The following MIR2052HG variants were observed in gnomAD, a reference collection of about 807,000 sequenced individuals.
MIR2052HG encodes MIR2052 host gene.
intron 4 of MIR2052HG, among the ~76,000 whole-genome samples, chr8:74,746,153 C>T (rs774626450): frequency 8.5e-5 from 13 of 152,102 alleles, no homozygotes; most frequent in Non-Finnish European, 1.6e-4. Flanking sequence ...CAATCACTCG[C>T]AATGTATTAG....
intron 4 of MIR2052HG, among the ~76,000 whole-genome samples, chr8:74,737,667 G>T (rs553471481): frequency 2.0e-5 from 3 of 152,150 alleles, no homozygotes; most frequent in Admixed American, 1.3e-4. Context: ...CTAATCCTTC[G>T]TTCCCTTGGC....
chr8:74,703,504 C>G (rs1809378262), intron 3 of MIR2052HG: 15 of 329,962 alleles, frequency 4.5e-5, no homozygotes, highest in South Asian at 3.8e-4. Context: ...CCATGGATAA[C>G]AGCAGGATTT....
chr8:74,721,561 T>C (rs1473161088), intron 4 of MIR2052HG, among the ~76,000 whole-genome samples: 4 of 152,182 alleles, frequency 2.6e-5, no homozygotes, highest in Admixed American at 2.0e-4. Context: ...ACGAAGTTTC[T>C]CTCTCCACAT....
At chr8:74,693,542 G>A (rs1563533114) in intron 2 of MIR2052HG, among the ~76,000 whole-genome samples, 1 of 145,678 alleles carries the variant, frequency 6.9e-6, no homozygotes. Context: ...TAGAGCCTAG[G>A]GCAAGTTCTC....
intron 2 of MIR2052HG, among the ~76,000 whole-genome samples, chr8:74,633,825 C>G (rs1808549628): frequency 6.6e-6 from 1 of 152,078 alleles, no homozygotes; most frequent in African/African-American, 2.4e-5. Context: ...TAACTATGAG[C>G]CTTTGACTAC....
At chr8:74,664,761 G>T (rs1397204455) in intron 2 of MIR2052HG, among the ~76,000 whole-genome samples, 1 of 151,990 alleles carries the variant, frequency 6.6e-6, no homozygotes, top group African/African-American at 2.4e-5. Context: ...CAGGTGATTC[G>T]CCCACCTCAG....
rs1266655574 is a variant in MIR2052HG at position 74,662,769 on chromosome 8, G to A, written n.217-39610G>A. ...TAGCGGTTTTCTTTAATGATAGGAGGGGCTTATGTGGGCACTTTTGGTTCC... is the reference window on the plus strand; with the variant it reads ...TAGCGGTTTTCTTTAATGATAGGAGAGGCTTATGTGGGCACTTTTGGTTCC... On this transcript the variant is annotated intron_variant and non_coding_transcript_variant, in intron 2 of 6. Transcript: ENST00000523442. 2.0e-5 allele frequency among the ~76,000 whole-genome samples: 3 copies of A among 151,802 alleles called. No individual in the cohort carries two copies. In the South Asian group the frequency reaches 6.2e-4, roughly 32 times the overall value.
chr8:74,651,807 C>G (rs1314951857), intron 2 of MIR2052HG, among the ~76,000 whole-genome samples: 2 of 152,130 alleles, frequency 1.3e-5, no homozygotes, highest in African/African-American at 4.8e-5. Context: ...GGTCACTCTG[C>G]TCTTTCTGAA....
chr8:74,649,132 T>C (rs761141778), intron 2 of MIR2052HG, among the ~76,000 whole-genome samples: 1 of 152,128 alleles, frequency 6.6e-6, no homozygotes, highest in Non-Finnish European at 1.5e-5. Context: ...GCTCGATTTT[T>C]GGTAATTTAA....
At chr8:74,728,760 G>T (rs1327198294) in intron 4 of MIR2052HG, among the ~76,000 whole-genome samples, 1 of 152,128 alleles carries the variant, frequency 6.6e-6, no homozygotes, top group Non-Finnish European at 1.5e-5. Context: ...TCAAAGCAGA[G>T]GGCTCACTTT....
At chr8:74,600,090 G>A (rs1424066458) in intron 1 of MIR2052HG, among the ~76,000 whole-genome samples, 1 of 152,130 alleles carries the variant, frequency 6.6e-6, no homozygotes, top group African/African-American at 2.4e-5. Flanking sequence ...TTCGGCTGGT[G>A]CACGGTGTGC....
At chr8:74,640,467 C>CA (rs35779504) in intron 2 of MIR2052HG, among the ~76,000 whole-genome samples, 12,357 of 83,356 alleles carry the variant, frequency 0.15, 1,002 homozygotes, top group Middle Eastern at 0.32. Flanking sequence ...GACTCCGTCT[C>CA]AAAAAAAAAA....
At chr8:74,687,153 C>T (rs1268464197) in intron 2 of MIR2052HG, among the ~76,000 whole-genome samples, 1 of 152,084 alleles carries the variant, frequency 6.6e-6, no homozygotes, top group African/African-American at 2.4e-5. Flanking sequence ...GAATTTATCA[C>T]CTCACACCTG....
At position 74,748,022 on chromosome 8, in the gene MIR2052HG, A is replaced by G. The variant is rs541281218; in HGVS notation, n.372-4419A>G. Among the ~76,000 whole-genome samples the G allele has an allele frequency of 6.6e-5, 10 of 152,310 alleles. No individual in the cohort carries two copies. The East Asian group carries it at 1.7e-3, about 26-fold the overall frequency. ...ATTCCTTAATTTTGTTCTCATTGTC[A>G]AAGCCCACTTCTGTGATTCTTAACC... On this transcript the variant is annotated intron_variant and non_coding_transcript_variant, in intron 4 of 6. Transcript: ENST00000523442.
intron 2 of MIR2052HG, among the ~76,000 whole-genome samples, chr8:74,613,198 G>C (rs1808226151): frequency 6.6e-6 from 1 of 152,146 alleles, no homozygotes; most frequent in South Asian, 2.1e-4. Context: ...GTTTCTTCTT[G>C]CTCTCAAAAT....
chr8:74,734,611 T>A (rs1273710586), intron 4 of MIR2052HG, among the ~76,000 whole-genome samples: 3 of 152,190 alleles, frequency 2.0e-5, no homozygotes, highest in Admixed American at 6.5e-5. Flanking sequence ...GGTCAAAGCT[T>A]ATGAAACACA....
rs547266057 is a variant in MIR2052HG at position 74,711,909 on chromosome 8, G to T, written n.371+8227G>T. Reference sequence around the variant, plus strand: ...TCCTGTGGATGCTTCCTGGGATGGTGCTGAATGCACTGCAACATGGCTGCG... The same window carrying T: ...TCCTGTGGATGCTTCCTGGGATGGTTCTGAATGCACTGCAACATGGCTGCG... On this transcript the variant is annotated intron_variant and non_coding_transcript_variant, in intron 4 of 6. Transcript: ENST00000523442. Among the ~76,000 whole-genome samples the T allele has an allele frequency of 3.9e-5, 6 of 152,254 alleles. No individual in the cohort carries two copies. In the South Asian group the frequency reaches 1.2e-3, roughly 32 times the overall value.
intron 2 of MIR2052HG, chr8:74,632,537 A>C (rs1808526069): frequency 6.6e-6 from 1 of 152,184 alleles, no homozygotes; most frequent in South Asian, 2.1e-4. Context: ...TTAGGGAGAA[A>C]AAAGTTATAT....
intron 2 of MIR2052HG, among the ~76,000 whole-genome samples, chr8:74,646,405 G>A (rs542740595): frequency 1.3e-5 from 2 of 152,302 alleles, no homozygotes; most frequent in Admixed American, 1.3e-4. Flanking sequence ...TTGATTTGAT[G>A]TAAGCAGTGA....
Sources: gnomAD v4.1 joint callset for allele counts (sites outside exome capture counted in the v4.1 genomes callset) on GRCh38, gnomAD v4.1.1 for gene constraint, MANE v1.5 for transcripts, NCBI Gene and HGNC (gene_info 2026-07-23, HGNC 2026-07-21) for gene names.